Variants in MOXD1 observed in about 807,000 individuals in gnomAD.
The protein encoded by MOXD1 is DBH-like monooxygenase protein 1.
A neutral mutation model predicts 66.6 loss-of-function variants in MOXD1; 62 were observed. The ratio of observed to expected loss-of-function variants is 0.93; its 90% CI spans 0.76 to 1.15. The LOEUF (loss-of-function observed/expected upper bound fraction) is 1.15. Ranked by LOEUF, MOXD1 falls within the 50% of genes most tolerant of loss-of-function variation. The pLI, the probability that MOXD1 is intolerant of heterozygous loss-of-function variation, is 0.00. For synonymous variants in MOXD1, 303 were observed against 281.9 expected (o/e 1.07, Z -0.75); for missense variants, 847 against 754.6 (o/e 1.12, Z -1.44).
At chr6:132,369,676 T>C (rs1004652632) in intron 4 of MOXD1, among the ~76,000 whole-genome samples, 2 of 151,980 alleles carry the variant, frequency 1.3e-5, no homozygotes, top group African/African-American at 4.8e-5. Flanking sequence ...GTCTAATAAC[T>C]GAGATGGCTA....
intron 4 of MOXD1, among the ~76,000 whole-genome samples, chr6:132,357,004 T>C (rs1395718228): frequency 6.6e-6 from 1 of 152,022 alleles, no homozygotes; most frequent in Non-Finnish European, 1.5e-5. Flanking sequence ...ATGAAACAAA[T>C]ACACGTTAGA....
intron 1 of MOXD1, among the ~76,000 whole-genome samples, chr6:132,379,873 T>C (rs961622818): frequency 6.6e-6 from 1 of 152,134 alleles, no homozygotes; most frequent in Non-Finnish European, 1.5e-5. Context: ...CAGGCTAGAG[T>C]ACAGTGGTGG....
intron 4 of MOXD1, among the ~76,000 whole-genome samples, chr6:132,341,197 G>C (rs1290330243): frequency 6.6e-6 from 1 of 152,214 alleles, no homozygotes; most frequent in Non-Finnish European, 1.5e-5. Context: ...TGGGATTAAG[G>C]CTATTACAAA....
At chr6:132,327,130 T>C (rs1775207747) in intron 6 of MOXD1, among the ~76,000 whole-genome samples, 2 of 152,282 alleles carry the variant, frequency 1.3e-5, no homozygotes, top group South Asian at 2.1e-4. Context: ...GATGAACAGT[T>C]TGATTCTTTA....
chr6:132,337,644 CT>C (rs1397479632), intron 4 of MOXD1, among the ~76,000 whole-genome samples: 1 of 152,110 alleles, frequency 6.6e-6, no homozygotes, highest in African/African-American at 2.4e-5. Flanking sequence ...GAATTAGGTC[CT>C]TTGGCCAAAC....
chr6:132,393,172 G>T (rs573482275), intron 1 of MOXD1, among the ~76,000 whole-genome samples: 2 of 152,078 alleles, frequency 1.3e-5, no homozygotes, highest in Non-Finnish European at 2.9e-5. Flanking sequence ...GTGTGTGTCA[G>T]ACAGAGAAGG....
At chr6:132,355,836 T>G (rs543738988) in intron 4 of MOXD1, among the ~76,000 whole-genome samples, 1 of 152,358 alleles carries the variant, frequency 6.6e-6, no homozygotes, top group African/African-American at 2.4e-5. Context: ...TGGGTTGGTT[T>G]GGTTCACAGA....
intron 7 of MOXD1, among the ~76,000 whole-genome samples, chr6:132,323,515 T>C (rs1186356482): frequency 6.6e-6 from 1 of 152,156 alleles, no homozygotes; most frequent in Non-Finnish European, 1.5e-5. Flanking sequence ...TTTTTTATAT[T>C]AGTTATTTTT....
chr6:132,299,812 A>T (rs990596478), intron 10 of MOXD1, among the ~76,000 whole-genome samples: 8 of 152,082 alleles, frequency 5.3e-5, no homozygotes, highest in African/African-American at 1.9e-4. Context: ...TAATTTCTAT[A>T]ATTATCAAAT....
At chr6:132,364,633 C>A (rs755647996) in intron 4 of MOXD1, among the ~76,000 whole-genome samples, 2 of 152,156 alleles carry the variant, frequency 1.3e-5, no homozygotes, top group Non-Finnish European at 2.9e-5. Context: ...CTCACCCTGG[C>A]ACTCCTAATT....
intron 4 of MOXD1, among the ~76,000 whole-genome samples, chr6:132,364,535 G>T (rs1009176398): frequency 1.3e-5 from 2 of 152,156 alleles, no homozygotes; most frequent in Non-Finnish European, 2.9e-5. Context: ...GTTATCCAGT[G>T]AATGAGAAAG....
chr6:132,314,236 T>G (rs672312), intron 10 of MOXD1, among the ~76,000 whole-genome samples: 78,259 of 152,056 alleles, frequency 0.51, 23,823 homozygotes, highest in African/African-American at 0.85. Context: ...GAGATGCCAT[T>G]GATCAACAAG....
At chr6:132,298,871 C>A (rs1282328628) in intron 10 of MOXD1, among the ~76,000 whole-genome samples, 2 of 152,052 alleles carry the variant, frequency 1.3e-5, no homozygotes, top group South Asian at 2.1e-4. Context: ...GTAGATTTCT[C>A]AAAGAACTTA....
intron 10 of MOXD1, among the ~76,000 whole-genome samples, chr6:132,303,212 T>A (rs1341536389): frequency 6.6e-6 from 1 of 151,976 alleles, no homozygotes; most frequent in Non-Finnish European, 1.5e-5. Flanking sequence ...TTTTATAAAA[T>A]GAAAGTCAAG....
intron 4 of MOXD1, among the ~76,000 whole-genome samples, chr6:132,355,808 T>G (rs1218387650): frequency 1.3e-5 from 2 of 152,218 alleles, no homozygotes; most frequent in African/African-American, 4.8e-5. Flanking sequence ...TTAAAGCTTA[T>G]TTAAAGTTGT....
At chr6:132,379,291 A>T (rs1392343422) in intron 1 of MOXD1, among the ~76,000 whole-genome samples, 3 of 152,168 alleles carry the variant, frequency 2.0e-5, no homozygotes, top group African/African-American at 7.2e-5. Flanking sequence ...ATGAAGAAAA[A>T]AACAGTTTAT....
intron 1 of MOXD1, among the ~76,000 whole-genome samples, chr6:132,398,705 C>T (rs995148310): frequency 7.9e-5 from 12 of 151,626 alleles, no homozygotes; most frequent in African/African-American, 2.7e-4. Flanking sequence ...TTTAGGAGGC[C>T]GAGGCAGGTG....
intron 4 of MOXD1, among the ~76,000 whole-genome samples, chr6:132,335,276 C>T (rs940325892): frequency 1.4e-5 from 2 of 146,724 alleles, no homozygotes; most frequent in Non-Finnish European, 2.9e-5. Flanking sequence ...CTGAAAGAAA[C>T]ATATTTTTTT....
At chr6:132,348,318 T>A (rs1403508155) in intron 4 of MOXD1, among the ~76,000 whole-genome samples, 2 of 152,182 alleles carry the variant, frequency 1.3e-5, no homozygotes, top group Non-Finnish European at 2.9e-5. Flanking sequence ...GATTCTGTAA[T>A]TTTTACTTTG....
Sources: allele counts gnomAD v4.1 joint callset (sites outside exome capture counted in the v4.1 genomes callset), GRCh38; gene constraint gnomAD v4.1.1; transcripts MANE v1.5; gene names NCBI Gene and HGNC (gene_info 2026-07-23, HGNC 2026-07-21).